The following ZNF503 variants were observed in gnomAD, a reference collection of about 807,000 sequenced individuals.
ZNF503 encodes zinc finger protein 503.
In ZNF503, 15 loss-of-function variants were observed where a neutral mutation model predicts 34.4. The ratio of observed to expected loss-of-function variants is 0.44; its 90% confidence interval spans 0.29 to 0.67. The LOEUF (loss-of-function observed/expected upper bound fraction) is 0.67, where lower values mean the gene tolerates loss of function less well. Among genes scored for constraint, ZNF503 ranks in the 30% least tolerant of loss-of-function variants. ZNF503 has a pLI of 0.13. For missense variants in ZNF503, 1,007 were observed against 926.8 expected (o/e 1.09, Z -1.12); for synonymous variants, 580 against 456.8 (o/e 1.27, Z -3.44).
At position 75,399,700 on chromosome 10, in the gene ZNF503, TGAG is replaced by T. The variant is rs904969603; in HGVS notation, c.987_989del (p.Ser330del). 1.3e-6 allele frequency: 2 copies of T among 1,599,950 alleles called. No individual in the cohort carries two copies. The highest frequency in any genetic ancestry group is 1.3e-5 in the African/African-American group (1 of 74,804). ...GAGCCACCAGCCCAGAGCCCAACAC[TGAG>T]GAGGAGGTGGGCGCGCTGGGGCCGG... On this transcript the variant is annotated inframe_deletion, in exon 2 of 2. Coordinates refer to ENST00000372524, the MANE Select transcript of ZNF503 (RefSeq NM_032772.6).
the ZNF503 span, among the ~76,000 whole-genome samples, chr10:75,381,704 T>C: frequency 7.9e-5 from 12 of 151,390 alleles, no homozygotes; most frequent in African/African-American, 2.9e-4. Flanking sequence ...AATCCTGGGC[T>C]GCCTCCAGAT....
chr10:75,322,089 A>G, the ZNF503 span, among the ~76,000 whole-genome samples: 1 of 151,750 alleles, frequency 6.6e-6, no homozygotes, highest in Non-Finnish European at 1.5e-5. Flanking sequence ...GCACCTTGGA[A>G]TACTTTTGGA....
At chr10:75,320,472 C>T in the ZNF503 span, among the ~76,000 whole-genome samples, 1 of 151,380 alleles carries the variant, frequency 6.6e-6, no homozygotes, top group East Asian at 1.9e-4. Context: ...CAGAGTGAGA[C>T]CCTGTCTCAA....
At chr10:75,393,828 C>T (rs2131982086), downstream of ZNF503, among the ~76,000 whole-genome samples, 1 of 152,042 alleles carries the variant, frequency 6.6e-6, no homozygotes, top group South Asian at 2.1e-4. Context: ...CACAGCACTC[C>T]AGCCTGGGTG....
the ZNF503 span, among the ~76,000 whole-genome samples, chr10:75,357,940 T>C: frequency 6.6e-6 from 1 of 152,194 alleles, no homozygotes; most frequent in South Asian, 2.1e-4. Flanking sequence ...ATGGGGATAA[T>C]ACCTACCCCA....
the ZNF503 span, among the ~76,000 whole-genome samples, chr10:75,360,075 A>G: frequency 1.3e-5 from 2 of 151,908 alleles, no homozygotes; most frequent in African/African-American, 4.8e-5. Flanking sequence ...AATGGAAAGG[A>G]AAAGATGGTT....
chr10:75,334,607 T>A, the ZNF503 span, among the ~76,000 whole-genome samples: 1 of 152,252 alleles, frequency 6.6e-6, no homozygotes, highest in Non-Finnish European at 1.5e-5. Flanking sequence ...GGTTTAAATC[T>A]GTGCTTCAGC....
the ZNF503 span, among the ~76,000 whole-genome samples, chr10:75,298,403 T>C: frequency 3.9e-5 from 6 of 152,256 alleles, no homozygotes; most frequent in Admixed American, 1.3e-4. Context: ...TCTGTCTCTA[T>C]GGATTTGCCT....
the ZNF503 span, among the ~76,000 whole-genome samples, chr10:75,362,825 C>G: frequency 6.6e-6 from 1 of 152,136 alleles, no homozygotes; most frequent in Admixed American, 6.5e-5. Context: ...GGAACCACTG[C>G]TCAGCTTCAG....
intron 1 of ZNF503, 62 bp from the exon 2 acceptor site, chr10:75,400,436 A>C: frequency 6.6e-7 from 1 of 1,511,058 alleles, no homozygotes; most frequent in Middle Eastern, 1.8e-4. Flanking sequence ...ACCCTTTAGA[A>C]TCCTGGCTTC....
the ZNF503 span, among the ~76,000 whole-genome samples, chr10:75,281,961 G>A: frequency 6.6e-6 from 1 of 152,196 alleles, no homozygotes; most frequent in African/African-American, 2.4e-5. Context: ...TCTCCAGTTG[G>A]GACTCAGGTC....
At chr10:75,329,430 CCTTCCTTT>C in the ZNF503 span, among the ~76,000 whole-genome samples, 1,899 of 106,502 alleles carry the variant, frequency 0.018, 21 homozygotes, top group Admixed American at 0.035. Context: ...TTCCTTCCTT[CCTTCCTTT>C]CTTTCTTTCT....
At chr10:75,341,172 T>C in the ZNF503 span, among the ~76,000 whole-genome samples, 4 of 152,194 alleles carry the variant, frequency 2.6e-5, no homozygotes, top group Admixed American at 6.5e-5. Context: ...GTCTGATACA[T>C]AGTAGTGCTT....
chr10:75,297,565 T>C, the ZNF503 span, among the ~76,000 whole-genome samples: 1 of 152,206 alleles, frequency 6.6e-6, no homozygotes, highest in Non-Finnish European at 1.5e-5. Context: ...AGGCTAGCTC[T>C]AGAAATGGGT....
chr10:75,379,661 G>C, the ZNF503 span, among the ~76,000 whole-genome samples: 1 of 152,228 alleles, frequency 6.6e-6, no homozygotes, highest in Non-Finnish European at 1.5e-5. Flanking sequence ...ATGAGAGGGG[G>C]AAGGAATCCT....
At chr10:75,329,482 A>G in the ZNF503 span, among the ~76,000 whole-genome samples, 1 of 132,690 alleles carries the variant, frequency 7.5e-6, no homozygotes, top group Non-Finnish European at 1.5e-5. Context: ...TCTTTTTGTT[A>G]CAGACAGAGT....
the ZNF503 span, among the ~76,000 whole-genome samples, chr10:75,290,629 T>C: frequency 0.79 from 119,827 of 152,188 alleles, 48,289 homozygotes; most frequent in African/African-American, 0.95. Flanking sequence ...AAGAAGAGCA[T>C]GTGGAATGAG....
At chr10:75,296,499 C>CG in the ZNF503 span, 1 of 37,286 alleles carries the variant, frequency 2.7e-5, no homozygotes, top group African/African-American at 7.8e-5. Flanking sequence ...GGCTCAGACA[C>CG]CCCCCCTTCC....
chr10:75,285,357 C>G, the ZNF503 span, among the ~76,000 whole-genome samples: 1 of 152,246 alleles, frequency 6.6e-6, no homozygotes, highest in African/African-American at 2.4e-5. Flanking sequence ...TGAATTCATT[C>G]TGAATCATTT....
Sources: gnomAD v4.1 joint callset for allele counts (sites outside exome capture counted in the v4.1 genomes callset) on GRCh38, gnomAD v4.1.1 for gene constraint, MANE v1.5 for transcripts, NCBI Gene and HGNC (gene_info 2026-07-23, HGNC 2026-07-21) for gene names.